The following ZBTB40 variants were observed in gnomAD, a reference collection of about 807,000 sequenced individuals.
The protein encoded by ZBTB40 is zinc finger and BTB domain-containing protein 40.
Under a neutral mutation model 117.5 loss-of-function variants are expected in ZBTB40, and 60 were observed. That is an observed-to-expected ratio of 0.51 (90% CI 0.41 to 0.63). ZBTB40 has a LOEUF of 0.63. Among genes scored for constraint, ZBTB40 ranks in the 30% least tolerant of loss-of-function variants. The pLI is 0.00. For missense variants in ZBTB40, 1,287 were observed against 1,498.5 expected (o/e 0.86, Z 2.33); for synonymous variants, 525 against 577.1 (o/e 0.91, Z 1.29).
Position 22,508,610 on chromosome 1 carries a change from T to C in ZBTB40, c.1578T>C (p.Thr526=). The C allele has an allele frequency of 6.2e-7, 1 of 1,614,156 alleles. No individual in the cohort carries two copies. Among genetic ancestry groups the C allele is most frequent in the Non-Finnish European group, 8.5e-7 (1 of 1,180,012 alleles). Residue 526 remains threonine (T), a synonymous_variant, in exon 8 of 18, where the codon ACT becomes ACC. Transcript: ENST00000375647. ...TATCAGCAGTTCTAGAAAAGCAGAC[T>C]CTCTCTGCCACAGCCATTTGGCAAC... ...SLISAVLEKQ[T]LSATAIWQLL... is the part of the protein sequence containing the mutation.
intron 1 of ZBTB40, among the ~76,000 whole-genome samples, chr1:22,486,112 A>C (rs1234701885): frequency 6.6e-6 from 1 of 152,106 alleles, no homozygotes; most frequent in Non-Finnish European, 1.5e-5. Flanking sequence ...TTTGTCTTTT[A>C]GTATGCCTTG....
rs772461548 is a variant in ZBTB40, at chr1:22,463,392, G to A, written c.-70+11388G>A. Among the ~76,000 whole-genome samples, 60 of 152,186 alleles carry A rather than the reference G, an allele frequency of 3.9e-4. 1 individual carries two copies. Among genetic ancestry groups the A allele is most frequent in the Admixed American group, 3.9e-4 (6 of 15,282 alleles). ...GATTTATTCCCTGATGAAGAAAAGTGTATTATAATCAATCTGATGAAAACT... is the reference window on the plus strand; with the variant it reads ...GATTTATTCCCTGATGAAGAAAAGTATATTATAATCAATCTGATGAAAACT... On this transcript the variant is annotated intron_variant, in intron 1 of 17. Transcript: ENST00000375647.
chr1:22,461,334 T>G (rs1641127795), intron 1 of ZBTB40, among the ~76,000 whole-genome samples: 1 of 151,858 alleles, frequency 6.6e-6, no homozygotes, highest in African/African-American at 2.4e-5. Flanking sequence ...CCGTTGTTTT[T>G]TTTTTTTTTT....
intron 1 of ZBTB40, among the ~76,000 whole-genome samples, chr1:22,444,140 C>T (rs578051494): frequency 1.6e-4 from 25 of 152,242 alleles, no homozygotes; most frequent in East Asian, 9.7e-4. Context: ...TCGCTGGGTG[C>T]GGTGGCTCAT....
At chr1:22,487,607 A>G (rs1638505053) in intron 1 of ZBTB40, among the ~76,000 whole-genome samples, 1 of 151,924 alleles carries the variant, frequency 6.6e-6, no homozygotes, top group African/African-American at 2.4e-5. Context: ...ATACTTTGCA[A>G]TGTTTTTTTG....
At chr1:22,435,161 C>T (rs1640653815) in intron 1 of ZBTB40, among the ~76,000 whole-genome samples, 1 of 151,810 alleles carries the variant, frequency 6.6e-6, no homozygotes, top group African/African-American at 2.4e-5. Context: ...CCACCATGCC[C>T]AGCTAATTTT....
intron 1 of ZBTB40, among the ~76,000 whole-genome samples, chr1:22,463,652 A>G (rs568662586): frequency 4.6e-5 from 7 of 152,356 alleles, no homozygotes; most frequent in African/African-American, 1.7e-4. Context: ...TGGTCTGTAA[A>G]GAGTTATCTT....
intron 1 of ZBTB40, among the ~76,000 whole-genome samples, chr1:22,429,438 AT>A (rs958370077): frequency 1.1e-3 from 162 of 149,786 alleles, no homozygotes; most frequent in African/African-American, 3.6e-3. Flanking sequence ...ATTTGCCTAC[AT>A]TTTTTTTTTC....
At chr1:22,446,201 G>A (rs1322613677) in intron 1 of ZBTB40, among the ~76,000 whole-genome samples, 2 of 147,394 alleles carry the variant, frequency 1.4e-5, no homozygotes, top group African/African-American at 5.0e-5. Flanking sequence ...TTAAGGATAT[G>A]TCAGTAGAAG....
intron 13 of ZBTB40, among the ~76,000 whole-genome samples, chr1:22,518,054 A>C (rs893230589): frequency 1.4e-4 from 21 of 152,270 alleles, no homozygotes; most frequent in African/African-American, 5.1e-4. Flanking sequence ...ATATATATAC[A>C]CACACAGGAA....
Position 22,506,362 on chromosome 1 carries a change from T to C in ZBTB40, c.1360+121T>C, listed in dbSNP as rs140846215. ...TATGTTAAGAAATGTCATTGCAGAA[T>C]AGAAACTAGCCGTCATAAATCGATA... On this transcript the variant is annotated intron_variant, in intron 6 of 17. Transcript: ENST00000375647. 434 of 1,007,262 alleles carry C rather than the reference T, an allele frequency of 4.3e-4. 2 individuals carry two copies. The highest frequency in any genetic ancestry group is 9.4e-4 in the South Asian group (68 of 72,640). 62.4% of individuals were successfully genotyped at this position (1,007,262 alleles called of 1,614,324 possible).
intron 16 of ZBTB40, among the ~76,000 whole-genome samples, chr1:22,523,097 A>G (rs1215194662): frequency 6.6e-6 from 1 of 151,002 alleles, no homozygotes; most frequent in Non-Finnish European, 1.5e-5. Flanking sequence ...ACAGGCGCCC[A>G]CCACCACACC....
At chr1:22,473,405 A>C (rs183766477) in intron 1 of ZBTB40, among the ~76,000 whole-genome samples, 41 of 152,314 alleles carry the variant, frequency 2.7e-4, no homozygotes, top group Middle Eastern at 3.4e-3. Flanking sequence ...TAACTTCACT[A>C]TCAGGGGCTT....
Position 22,509,148 on chromosome 1 carries a change from A to T in ZBTB40, c.1748A>T (p.Gln583Leu), listed in dbSNP as rs1177664251. ...TTAGAAACAATCCTGAGGCATAACC[A>T]GTTGATCTTGGAGGCCATCCAACAG... ...ATLETILRHNQLILEAIQQKI... is the reference protein window; with the variant it reads ...ATLETILRHNLLILEAIQQKI... Residue 583 changes from glutamine to leucine, a missense_variant, in exon 9 of 18, where the codon CAG (glutamine) becomes CTG (leucine). This residue lies in a region of ZBTB40 where 870 missense variants were observed against 934.4 expected (regional missense o/e 0.93). Coordinates refer to ENST00000375647, the MANE Select transcript of ZBTB40 (RefSeq NM_014870.4). 4.3e-6 allele frequency: 7 copies of T among 1,613,996 alleles called. No individual in the cohort carries two copies. Among genetic ancestry groups the T allele is most frequent in the Non-Finnish European group, 5.9e-6 (7 of 1,180,026 alleles).
At chr1:22,508,387 A>G in intron 7 of ZBTB40, 143 bp from the exon 8 acceptor site, 1 of 1,055,698 alleles carries the variant, frequency 9.5e-7, no homozygotes, top group Non-Finnish European at 1.4e-6. Flanking sequence ...TGTATAAGAA[A>G]TCTCTCAGAC....
At chr1:22,471,077 C>T (rs182001556) in intron 1 of ZBTB40, among the ~76,000 whole-genome samples, 1 of 152,334 alleles carries the variant, frequency 6.6e-6, no homozygotes, top group Non-Finnish European at 1.5e-5. Context: ...TCCTCAAGTC[C>T]AGTTAACTTT....
Position 22,502,452 on chromosome 1 carries a change from C to G in ZBTB40, c.1167+11C>G, listed in dbSNP as rs1569855327. The G allele has an allele frequency of 6.2e-7, 1 of 1,613,936 alleles. No individual in the cohort carries two copies. The highest frequency in any genetic ancestry group is 2.2e-5 in the East Asian group (1 of 44,880). On this transcript the variant is annotated intron_variant, in intron 5 of 17. Coordinates refer to ENST00000375647, the MANE Select transcript of ZBTB40 (RefSeq NM_014870.4). ...GGCACTGAAAAAAGGGTAACTGTGT[C>G]AAGTGTCTCCTCCCTCCTCCTGAAT...
Position 22,529,373 on chromosome 1 carries a change from G to A in ZBTB40, c.*2977G>A, listed in dbSNP as rs2235884. 3.3e-5 allele frequency: 5 copies of A among 152,442 alleles called. No individual in the cohort carries two copies. In the East Asian group the frequency reaches 7.6e-4, roughly 23 times the overall value. The allele number at this position is 152,442 out of a possible 1,614,324, so 9.4% of individuals were successfully genotyped here. ...TGGAACACATGGATCTGTTCGGTGG[G>A]TCCCCAGACCTCTGCTCCCAGAGCT... On this transcript the variant is annotated 3_prime_UTR_variant, in exon 18 of 18. Coordinates refer to ENST00000375647, the MANE Select transcript of ZBTB40 (RefSeq NM_014870.4).
chr1:22,495,073 T>G (rs2124436460), intron 3 of ZBTB40, among the ~76,000 whole-genome samples: 1 of 152,290 alleles, frequency 6.6e-6, no homozygotes, highest in Admixed American at 6.5e-5. Flanking sequence ...GAGAACAGCT[T>G]AACGTTAAAA....
Sources: gnomAD v4.1 joint callset for allele counts (sites outside exome capture counted in the v4.1 genomes callset) on GRCh38, gnomAD v4.1.1 for gene constraint, gnomAD v4.1.1 regional missense constraint, MANE v1.5 for transcripts, NCBI Gene and HGNC (gene_info 2026-07-23, HGNC 2026-07-21) for gene names.